Variants in RLN2 observed in about 807,000 individuals in gnomAD.
RLN2 encodes relaxin 2, also known as prorelaxin H2.
A neutral mutation model predicts 7.3 loss-of-function variants in RLN2; 10 were observed. That is an observed-to-expected ratio of 1.36 (90% confidence interval 0.84 to 2.31). The LOEUF (loss-of-function observed/expected upper bound fraction) is 2.31. Among genes scored for constraint, RLN2 ranks in the 30% most tolerant of loss-of-function variants. RLN2 has a pLI of 0.00. For missense variants in RLN2, 298 were observed against 217.6 expected (o/e 1.37, Z -2.32); for synonymous variants, 103 against 82.3 (o/e 1.25, Z -1.36).
chr9:5,312,327 G>A, the RLN2 span, among the ~76,000 whole-genome samples: 2 of 152,008 alleles, frequency 1.3e-5, no homozygotes, highest in African/African-American at 4.8e-5. Flanking sequence ...CCCAATCATT[G>A]GTTACAAGTG....
At chr9:5,336,828 T>C in the RLN2 span, among the ~76,000 whole-genome samples, 1 of 152,046 alleles carries the variant, frequency 6.6e-6, no homozygotes, top group Non-Finnish European at 1.5e-5. Flanking sequence ...GGCAGACACC[T>C]GGTTAACCAC....
At chr9:5,325,293 G>C in the RLN2 span, among the ~76,000 whole-genome samples, 2 of 151,462 alleles carry the variant, frequency 1.3e-5, no homozygotes, top group Non-Finnish European at 1.5e-5. Flanking sequence ...GTCCATCAAA[G>C]ACATAAAGAA....
the RLN2 span, among the ~76,000 whole-genome samples, chr9:5,336,249 A>C: frequency 6.6e-6 from 1 of 152,074 alleles, no homozygotes; most frequent in Non-Finnish European, 1.5e-5. Flanking sequence ...AAGTGGGTTA[A>C]AAGATCACTA....
At chr9:5,314,848 C>G in the RLN2 span, among the ~76,000 whole-genome samples, 1 of 151,748 alleles carries the variant, frequency 6.6e-6, no homozygotes, top group Non-Finnish European at 1.5e-5. Flanking sequence ...ACCATGCAGT[C>G]CCTCGTGTCC....
the RLN2 span, among the ~76,000 whole-genome samples, chr9:5,333,831 C>T: frequency 2.6e-5 from 4 of 151,992 alleles, no homozygotes; most frequent in African/African-American, 4.8e-5. Flanking sequence ...CCAATCAAGA[C>T]GGCTTTATCC....
chr9:5,301,586 G>A (rs1321122370), intron 1 of RLN2, among the ~76,000 whole-genome samples: 2 of 152,108 alleles, frequency 1.3e-5, no homozygotes, highest in African/African-American at 4.8e-5. Flanking sequence ...TCCTGGACAG[G>A]AAAACTCTCC....
At chr9:5,306,495 A>G (rs1257365484), upstream of RLN2, among the ~76,000 whole-genome samples, 1 of 152,006 alleles carries the variant, frequency 6.6e-6, no homozygotes, top group Non-Finnish European at 1.5e-5. Context: ...GTTGTCATGC[A>G]CTTATTCAGG....
upstream of RLN2, among the ~76,000 whole-genome samples, chr9:5,305,426 GA>G (rs1816230869): frequency 2.8e-5 from 4 of 142,932 alleles, no homozygotes; most frequent in South Asian, 4.5e-4. Context: ...GAGAGAGAGA[GA>G]AGAAAAAAAA....
the RLN2 span, among the ~76,000 whole-genome samples, chr9:5,337,107 G>C: frequency 6.6e-6 from 1 of 151,882 alleles, no homozygotes; most frequent in Admixed American, 6.6e-5. Flanking sequence ...TATCATTTTT[G>C]GTTAAATGAC....
the RLN2 span, among the ~76,000 whole-genome samples, chr9:5,337,411 G>A: frequency 6.6e-6 from 1 of 151,986 alleles, no homozygotes; most frequent in East Asian, 1.9e-4. Flanking sequence ...TGGAACCTAG[G>A]CTCAGAGAAA....
At chr9:5,332,069 T>A in the RLN2 span, among the ~76,000 whole-genome samples, 1 of 151,878 alleles carries the variant, frequency 6.6e-6, no homozygotes, top group Admixed American at 6.6e-5. Flanking sequence ...GGATAAAAAA[T>A]TTAGTGTATA....
At chr9:5,323,345 G>C in the RLN2 span, among the ~76,000 whole-genome samples, 3 of 151,600 alleles carry the variant, frequency 2.0e-5, no homozygotes, top group East Asian at 3.9e-4. Flanking sequence ...AACCTCAAAG[G>C]GTACACAGAA....
chr9:5,309,660 C>T (rs7857824), upstream of RLN2, among the ~76,000 whole-genome samples: 3,295 of 152,142 alleles, frequency 0.022, 160 homozygotes, highest in African/African-American at 0.075. Context: ...CACTCAGCAC[C>T]GCCCATCCCA....
the RLN2 span, among the ~76,000 whole-genome samples, chr9:5,333,774 A>G: frequency 1.3e-5 from 2 of 152,042 alleles, no homozygotes; most frequent in African/African-American, 4.8e-5. Flanking sequence ...ATCCTCAATA[A>G]ACACTGGCAA....
the RLN2 span, among the ~76,000 whole-genome samples, chr9:5,329,070 G>A: frequency 2.0e-4 from 31 of 151,744 alleles, no homozygotes; most frequent in Non-Finnish European, 4.0e-4. Context: ...TTGGGAGGCC[G>A]AGGCGGGTGG....
In RLN2 at chr9:5,304,475, C is replaced by T. The variant is rs1392250385; in HGVS notation, c.106G>A (p.Gly36Ser). The T allele has an allele frequency of 5.0e-6, 8 of 1,613,554 alleles. No individual in the cohort carries two copies. The highest frequency in any genetic ancestry group is 6.8e-6 in the Non-Finnish European group (8 of 1,179,872). The change falls in exon 1 of 2, where the codon GGC (glycine) becomes AGC (serine). Residue 36 changes from glycine (G) to serine (S), a missense_variant. Physicochemically the swap from Gly to Ser is moderately conservative, Grantham distance 56. Transcript: ENST00000381627. ...SWMEEVIKLC[G>S]RELVRAQIAI... ...ATCTGCGCGCGAACTAATTCGCGGC[C>T]GCATAATTTAATAACTTCCTCCATC... is the stretch of plus-strand genomic sequence containing the variant.
upstream of RLN2, among the ~76,000 whole-genome samples, chr9:5,308,041 G>GC (rs201927822): frequency 6.7e-6 from 1 of 148,520 alleles, no homozygotes; most frequent in African/African-American, 2.5e-5. Context: ...TTTTTTTCTA[G>GC]TTTTTTTTTT....
chr9:5,301,681 C>A (rs1816139610), intron 1 of RLN2, among the ~76,000 whole-genome samples: 1 of 152,198 alleles, frequency 6.6e-6, no homozygotes, highest in Non-Finnish European at 1.5e-5. Context: ...ACCTGGTTAA[C>A]CACTGATGCC....
At chr9:5,322,283 G>C in the RLN2 span, among the ~76,000 whole-genome samples, 1 of 151,986 alleles carries the variant, frequency 6.6e-6, no homozygotes, top group East Asian at 1.9e-4. Flanking sequence ...CCCTCCAGCA[G>C]GGCTTTACTG....
Sources: allele counts gnomAD v4.1 joint callset (sites outside exome capture counted in the v4.1 genomes callset), GRCh38; gene constraint gnomAD v4.1.1; transcripts MANE v1.5; gene names NCBI Gene and HGNC (gene_info 2026-07-23, HGNC 2026-07-21).